Variants in HDAC4 observed in about 807,000 individuals in gnomAD.
HDAC4 encodes histone deacetylase A.
In HDAC4, 16 loss-of-function variants were observed where a neutral mutation model predicts 135.1. That is an observed-to-expected ratio of 0.12 (90% confidence interval 0.08 to 0.18). The LOEUF is 0.18. Among genes scored for constraint, HDAC4 ranks in the 10% least tolerant of loss-of-function variants. The probability of loss-of-function intolerance (pLI) is 1.00; values close to 1 mark genes in which losing one functional copy is unlikely to be tolerated. For synonymous variants in HDAC4, 685 were observed against 653.4 expected (o/e 1.05, Z -0.74); for missense variants, 1,143 against 1,511.8 (o/e 0.76, Z 4.05).
chr2:239,366,246 GACAC>G (rs1371791847), intron 1 of HDAC4, among the ~76,000 whole-genome samples: 1 of 151,588 alleles, frequency 6.6e-6, no homozygotes, highest in Non-Finnish European at 1.5e-5. Flanking sequence ...GGCACTGGCG[GACAC>G]ACACAAACAT....
At chr2:239,171,663 C>A (rs1167052963) in intron 5 of HDAC4, among the ~76,000 whole-genome samples, 2 of 151,882 alleles carry the variant, frequency 1.3e-5, no homozygotes, top group African/African-American at 2.4e-5. Context: ...TTACAAATCC[C>A]AAAAAGAAGA....
chr2:239,073,161 T>A (rs2034368172), intron 22 of HDAC4, among the ~76,000 whole-genome samples: 1 of 152,238 alleles, frequency 6.6e-6, no homozygotes, highest in African/African-American at 2.4e-5. Flanking sequence ...AACTCACTTC[T>A]GGAACTTAGA....
intron 8 of HDAC4, chr2:239,140,959 AC>A (rs1379048676): frequency 2.2e-6 from 1 of 450,376 alleles, no homozygotes; most frequent in South Asian, 1.6e-5. Context: ...GGGTGGGGGA[AC>A]AGGTAAAGCC....
chr2:239,082,692 C>T (rs912836867), intron 20 of HDAC4, among the ~76,000 whole-genome samples: 9 of 152,254 alleles, frequency 5.9e-5, no homozygotes, highest in Non-Finnish European at 8.8e-5. Flanking sequence ...CCAGGCAGGG[C>T]GTTCGGCAGG....
chr2:239,376,916 CAAT>C (rs1453313924), intron 1 of HDAC4, among the ~76,000 whole-genome samples: 1 of 152,058 alleles, frequency 6.6e-6, no homozygotes, highest in African/African-American at 2.4e-5. Flanking sequence ...TAGCAAGTTT[CAAT>C]AATAAGTGGC....
chr2:239,340,297 C>G (rs1239872102), intron 2 of HDAC4, among the ~76,000 whole-genome samples: 1 of 152,196 alleles, frequency 6.6e-6, no homozygotes, highest in Non-Finnish European at 1.5e-5. Context: ...TTACCAAATC[C>G]TACTGAGGAC....
intron 2 of HDAC4, among the ~76,000 whole-genome samples, chr2:239,287,767 T>C (rs1293694268): frequency 6.6e-6 from 1 of 151,950 alleles, no homozygotes; most frequent in Non-Finnish European, 1.5e-5. Context: ...GAAGACTAAG[T>C]CATGTTGTAA....
chr2:239,161,945 C>T (rs757756751), intron 6 of HDAC4: 9 of 372,718 alleles, frequency 2.4e-5, no homozygotes, highest in Non-Finnish European at 4.3e-5. Flanking sequence ...CTTGGGCCTG[C>T]TGCTCCGTCC....
chr2:239,318,716 A>G (rs2053202915), intron 2 of HDAC4, among the ~76,000 whole-genome samples: 1 of 152,212 alleles, frequency 6.6e-6, no homozygotes, highest in Non-Finnish European at 1.5e-5. Context: ...ATATCAATAA[A>G]CAGTAATTCT....
At chr2:239,154,315 G>A (rs2042289145) in intron 7 of HDAC4, among the ~76,000 whole-genome samples, 1 of 152,154 alleles carries the variant, frequency 6.6e-6, no homozygotes, top group Non-Finnish European at 1.5e-5. Context: ...TCACTCCCAG[G>A]ACAAGAGGAG....
intron 2 of HDAC4, among the ~76,000 whole-genome samples, chr2:239,345,392 T>C (rs987919345): frequency 2.4e-4 from 37 of 152,064 alleles, no homozygotes; most frequent in African/African-American, 8.9e-4. Flanking sequence ...CCACAAAAAA[T>C]TTTAAAAATT....
At chr2:239,102,720 C>T (rs1456482632) in intron 16 of HDAC4, 56 bp downstream of exon 16, 2 of 1,608,128 alleles carry the variant, frequency 1.2e-6, no homozygotes, top group African/African-American at 2.7e-5. Context: ...GAGCTGGAAA[C>T]ACAACCTCAG....
intron 9 of HDAC4, among the ~76,000 whole-genome samples, chr2:239,136,806 C>A (rs1022897605): frequency 6.6e-6 from 1 of 152,208 alleles, no homozygotes; most frequent in Non-Finnish European, 1.5e-5. Context: ...CAAACACTTA[C>A]ACTCAGGCTG....
chr2:239,134,993 T>C (rs1294171321), intron 9 of HDAC4, among the ~76,000 whole-genome samples: 6 of 152,260 alleles, frequency 3.9e-5, no homozygotes, highest in African/African-American at 7.2e-5. Context: ...TCTAGGATAA[T>C]ATAGTTTACA....
chr2:239,189,306 A>C (rs2044748802), intron 4 of HDAC4, among the ~76,000 whole-genome samples: 1 of 152,256 alleles, frequency 6.6e-6, no homozygotes, highest in Non-Finnish European at 1.5e-5. Context: ...ATTTAATTTT[A>C]AAATCTGGTA....
At chr2:239,121,544 C>A (rs904489953) in intron 12 of HDAC4, among the ~76,000 whole-genome samples, 2 of 152,238 alleles carry the variant, frequency 1.3e-5, no homozygotes, top group Non-Finnish European at 2.9e-5. Flanking sequence ...CTGCCAGGGG[C>A]CGCATCTCTT....
At chr2:239,330,137 G>A (rs1323764179) in intron 2 of HDAC4, among the ~76,000 whole-genome samples, 1 of 152,254 alleles carries the variant, frequency 6.6e-6, no homozygotes, top group African/African-American at 2.4e-5. Context: ...CCACAGAGCC[G>A]ATGGCCGGAG....
In HDAC4 at chr2:239,075,931, T is replaced by C. The variant is rs375792128; in HGVS notation, c.2750+5164A>G. Among the ~76,000 whole-genome samples, 5 of 149,800 alleles carry C rather than the reference T, an allele frequency of 3.3e-5. No homozygotes were observed. In the East Asian group the frequency reaches 7.9e-4, roughly 24 times the overall value. On this transcript the variant is annotated intron_variant, in intron 22 of 26. Transcript: ENST00000543185. ...CCTCGGCTTCCCAGGGAGACAGAGC[T>C]GGGTTGGGACAGCAGGCGGGTGCCA... is the stretch of plus-strand genomic sequence containing the variant.
rs2038669740 is a variant in HDAC4 at position 239,111,512 on chromosome 2, A to G, written c.1978+14T>C. The G allele has an allele frequency of 1.2e-6, 2 of 1,609,900 alleles. No individual in the cohort carries two copies. Among genetic ancestry groups the G allele is most frequent in the East Asian group, 4.5e-5 (2 of 44,816 alleles). On this transcript the variant is annotated intron_variant, in intron 14 of 26. Coordinates refer to ENST00000543185, the MANE Select transcript of HDAC4 (RefSeq NM_001378414.1). ...CGCGTTGCACCCTCAGGCTGCACAAAGGCCACGTGTTACCTGTCGTGAACC... is the reference window on the plus strand; with the variant it reads ...CGCGTTGCACCCTCAGGCTGCACAAGGGCCACGTGTTACCTGTCGTGAACC...
Sources: allele counts gnomAD v4.1 joint callset (sites outside exome capture counted in the v4.1 genomes callset), GRCh38; gene constraint gnomAD v4.1.1; transcripts MANE v1.5; gene names NCBI Gene and HGNC (gene_info 2026-07-23, HGNC 2026-07-21).